Variants in GSDME observed in about 807,000 individuals in gnomAD.
GSDME encodes the protein gasdermin E.
Under a neutral mutation model 47.5 loss-of-function variants are expected in GSDME, and 44 were observed. That is an observed-to-expected ratio of 0.93 (90% CI 0.73 to 1.19). The LOEUF is 1.19. GSDME is among the 50% of genes most tolerant of loss of function. The probability of loss-of-function intolerance (pLI) is 0.00; values close to 1 mark genes in which losing one functional copy is unlikely to be tolerated. For synonymous variants in GSDME, 258 were observed against 252.8 expected, an observed-to-expected ratio of 1.02 and a Z score of -0.20; for missense variants, 663 against 604.2, an observed-to-expected ratio of 1.10 and a Z score of -1.02.
the GSDME span, among the ~76,000 whole-genome samples, chr7:24,772,987 G>A: frequency 3.3e-5 from 5 of 152,274 alleles, no homozygotes; most frequent in East Asian, 9.6e-4. The surrounding 1 kb of genome is among the most constrained non-coding windows in gnomAD (Gnocchi z 4.5). Context: ...TTGGGGTGAG[G>A]TAGATGTAGT....
At position 24,706,167 on chromosome 7, in the gene GSDME, T is replaced by C. The variant is rs73288039; in HGVS notation, c.1183+17A>G. On this transcript the variant is annotated intron_variant, in intron 8 of 9. Coordinates refer to ENST00000645220, the MANE Select transcript of GSDME (RefSeq NM_001127453.2). Reference sequence around the variant, plus strand: ...AAAGCAGCAGCAGCCATTTCTTTCATTTTCTTTTCTCCTTACCTGCGAGGG... The same window carrying C: ...AAAGCAGCAGCAGCCATTTCTTTCACTTTCTTTTCTCCTTACCTGCGAGGG... 1,318 of 1,614,122 alleles carry C rather than the reference T, an allele frequency of 8.2e-4. 7 individuals are homozygous for C. In the African/African-American group the frequency reaches 0.014, roughly 17 times the overall value.
intron 9 of GSDME, among the ~76,000 whole-genome samples, chr7:24,700,957 G>A (rs1016174605): frequency 1.6e-4 from 25 of 152,156 alleles, no homozygotes; most frequent in Admixed American, 1.4e-3. Flanking sequence ...AGGGGGAAAC[G>A]GTGACCCAGA....
At chr7:24,711,314 C>A (rs2282903) in intron 5 of GSDME, among the ~76,000 whole-genome samples, 7 of 152,094 alleles carry the variant, frequency 4.6e-5, no homozygotes, top group Admixed American at 3.9e-4. Flanking sequence ...CTACAACCTC[C>A]GTTTGCTGGA....
intron 5 of GSDME, 165 bp from the exon 6 acceptor site, chr7:24,710,553 G>A: frequency 1.5e-6 from 1 of 654,338 alleles, no homozygotes; most frequent in Non-Finnish European, 2.7e-6. Flanking sequence ...CACACATTAT[G>A]TTGCTTGACC....
the GSDME span, among the ~76,000 whole-genome samples, chr7:24,780,484 T>A: frequency 6.6e-6 from 1 of 152,220 alleles, no homozygotes; most frequent in African/African-American, 2.4e-5. The surrounding 1 kb of genome is among the most constrained non-coding windows in gnomAD (Gnocchi z 4.1). Flanking sequence ...TGAGCTGTTT[T>A]CTGCCCTTCT....
chr7:24,700,814 G>A (rs1788833955), intron 9 of GSDME, among the ~76,000 whole-genome samples: 1 of 152,188 alleles, frequency 6.6e-6, no homozygotes, highest in Non-Finnish European at 1.5e-5. Context: ...AGCCCCACTG[G>A]CGCAGGCTGG....
At chr7:24,765,733 T>C in the GSDME span, among the ~76,000 whole-genome samples, 557 of 152,382 alleles carry the variant, frequency 3.7e-3, 4 homozygotes, top group African/African-American at 0.013. Flanking sequence ...TCTAAAGTTT[T>C]TCTTTTAATA....
chr7:24,776,470 C>G, the GSDME span, among the ~76,000 whole-genome samples: 12 of 152,174 alleles, frequency 7.9e-5, no homozygotes, highest in Non-Finnish European at 1.2e-4. Flanking sequence ...CGATAATTAT[C>G]AACATATAAG....
At chr7:24,707,343 C>T (rs1227224698) in intron 7 of GSDME, 1 of 471,312 alleles carries the variant, frequency 2.1e-6, no homozygotes, top group East Asian at 6.9e-5. Context: ...ATCTGGGTGG[C>T]TGGAGGGTTG....
chr7:24,738,272 TA>T (rs1790373079), intron 3 of GSDME, among the ~76,000 whole-genome samples: 1 of 152,102 alleles, frequency 6.6e-6, no homozygotes, highest in Non-Finnish European at 1.5e-5. Flanking sequence ...ACAAATTCAC[TA>T]AAGTTGTAGG....
rs1481928418 is a variant in GSDME at position 24,728,360 on chromosome 7, G to A, written c.405-9142C>T. On this transcript the variant is annotated intron_variant, in intron 3 of 9. Transcript: ENST00000645220. The surrounding 1 kb of genome is among the most constrained non-coding windows in gnomAD (Gnocchi z 7.2). ...CGTTAACCATTCAGTCAACCGGGAC[G>A]CACCCTCTTCGAGATGTTTTCTTAT... 3.3e-5 allele frequency among the ~76,000 whole-genome samples: 5 copies of A among 152,176 alleles called. No individual in the cohort carries two copies. Among genetic ancestry groups the A allele is most frequent in the Non-Finnish European group, 7.4e-5 (5 of 68,026 alleles).
rs1788723205 is a variant in GSDME, at chr7:24,698,471, C to T, written c.*555G>A. 1 of 176,612 alleles carries T rather than the reference C, an allele frequency of 5.7e-6. No individual in the cohort carries two copies. 10.9% of individuals were successfully genotyped at this position (176,612 alleles called of 1,614,324 possible). On this transcript the variant is annotated 3_prime_UTR_variant, in exon 10 of 10. Transcript: ENST00000645220. ...GCAAGGTCACATAAAATGCATATAG[C>T]TAGGGTCCCAAGCAGGGGTGTGTTA...
chr7:24,785,890 G>A, the GSDME span, among the ~76,000 whole-genome samples: 14 of 152,240 alleles, frequency 9.2e-5, no homozygotes, highest in Non-Finnish European at 1.0e-4. Context: ...TGATTCTACC[G>A]TCTCACAATC....
At chr7:24,778,629 A>G in the GSDME span, among the ~76,000 whole-genome samples, 1 of 152,118 alleles carries the variant, frequency 6.6e-6, no homozygotes, top group African/African-American at 2.4e-5. This position sits in a 1 kb window ranked among gnomAD's most constrained non-coding sequence, Gnocchi z 5.6. Flanking sequence ...TGCAGGTTCC[A>G]TCTTGGGGCA....
rs1790056931 is a variant in GSDME at position 24,728,973 on chromosome 7, A to G, written c.405-9755T>C. Among the ~76,000 whole-genome samples, 2 of 152,236 alleles carry G rather than the reference A, an allele frequency of 1.3e-5. No homozygotes were observed. Among genetic ancestry groups the G allele is most frequent in the Admixed American group, 1.3e-4 (2 of 15,282 alleles). ...AGAATGCTCACTGCACATTGTTGCC[A>G]AAGTGACCAAGTCACCCGCAGACTG... is the stretch of plus-strand genomic sequence containing the variant. On this transcript the variant is annotated intron_variant, in intron 3 of 9. Coordinates refer to ENST00000645220, the MANE Select transcript of GSDME (RefSeq NM_001127453.2). This position sits in a 1 kb window ranked among gnomAD's most constrained non-coding sequence, Gnocchi z 7.2.
chr7:24,747,131 T>G (rs536449384), intron 2 of GSDME, among the ~76,000 whole-genome samples: 16 of 152,314 alleles, frequency 1.1e-4, no homozygotes, highest in African/African-American at 3.6e-4. Flanking sequence ...ACGGTAAAAC[T>G]CCAATTACTC....
chr7:24,711,297 C>G (rs1789343134), intron 5 of GSDME, among the ~76,000 whole-genome samples: 1 of 152,098 alleles, frequency 6.6e-6, no homozygotes, highest in Non-Finnish European at 1.5e-5. Flanking sequence ...GGTGTAATCT[C>G]AGCTCACTAC....
At chr7:24,782,331 C>T in the GSDME span, among the ~76,000 whole-genome samples, 6,108 of 151,302 alleles carry the variant, frequency 0.04, 174 homozygotes, top group Middle Eastern at 0.079. Flanking sequence ...GTTTTTTGTC[C>T]TTGCGATAGT....
At chr7:24,762,486 G>C (rs1791181920), upstream of GSDME, among the ~76,000 whole-genome samples, 1 of 152,080 alleles carries the variant, frequency 6.6e-6, no homozygotes, top group African/African-American at 2.4e-5. Context: ...TTTAAATATT[G>C]TCCAGTATCC....
Sources: allele counts gnomAD v4.1 joint callset (sites outside exome capture counted in the v4.1 genomes callset), GRCh38; gene constraint gnomAD v4.1.1; non-coding constraint Gnocchi (gnomAD v3.1); transcripts MANE v1.5; gene names NCBI Gene and HGNC (gene_info 2026-07-23, HGNC 2026-07-21).